Variants in WDR49 observed in about 807,000 individuals in gnomAD.
The protein encoded by WDR49 is WD repeat domain 49.
In WDR49, 107 loss-of-function variants were observed where a neutral mutation model predicts 119.5. That is an observed-to-expected ratio of 0.90 (90% CI 0.77 to 1.05). The LOEUF (loss-of-function observed/expected upper bound fraction) is 1.05. Ranked by LOEUF, WDR49 falls within the 50% of genes least tolerant of loss-of-function variation. The pLI, the probability that WDR49 is intolerant of heterozygous loss-of-function variation, is 0.00. For missense variants in WDR49, 1,240 were observed against 1,220.5 expected, an observed-to-expected ratio of 1.02 and a Z score of -0.24; for synonymous variants, 425 against 418.8, an observed-to-expected ratio of 1.01 and a Z score of -0.18.
Position 167,626,954 on chromosome 3 carries a change from T to A in WDR49, c.504A>T (p.Gly168=). 7.5e-7 allele frequency: 1 copy of A among 1,327,676 alleles called. No homozygotes were observed. Among genetic ancestry groups the A allele is most frequent in the Non-Finnish European group, 9.6e-7 (1 of 1,040,184 alleles). The allele number at this position is 1,327,676 out of a possible 1,614,324, so 82.2% of individuals were successfully genotyped here. The change falls in exon 3 of 19, where the codon GGA becomes GGT. Residue 168 remains glycine (G), a synonymous_variant. Transcript: ENST00000682715. The part of the protein sequence containing the change: ...ISKEGLLAIW[G]EHLKLQETFP... ...ATGTTTCTTGCAGCTTTAAATGCTC[T>A]CCCCAGATTGCCAATAAACCTTCTT...
chr3:167,524,049 C>A (rs1174518458), intron 15 of WDR49, among the ~76,000 whole-genome samples: 1 of 152,182 alleles, frequency 6.6e-6, no homozygotes, highest in African/African-American at 2.4e-5. Context: ...CACATCCTCA[C>A]CAGCATCTGT....
chr3:167,638,342 T>C (rs1267014798), intron 2 of WDR49, among the ~76,000 whole-genome samples: 1 of 151,570 alleles, frequency 6.6e-6, no homozygotes, highest in African/African-American at 2.4e-5. Flanking sequence ...AAATTGATAT[T>C]TCTTTTGTCA....
chr3:167,487,305 CTGAGA>C (rs1750963383), intron 18 of WDR49, among the ~76,000 whole-genome samples: 2 of 152,250 alleles, frequency 1.3e-5, no homozygotes, highest in Admixed American at 1.3e-4. Context: ...ATAAATGGTG[CTGAGA>C]TAACTGGCTA....
At chr3:167,481,059 T>A (rs1344198261) in intron 18 of WDR49, among the ~76,000 whole-genome samples, 2 of 117,078 alleles carry the variant, frequency 1.7e-5, no homozygotes, top group African/African-American at 8.1e-5. Context: ...TTACCACATA[T>A]TTCAAGCAAA....
At chr3:167,521,007 T>C (rs918770967) in intron 16 of WDR49, among the ~76,000 whole-genome samples, 4 of 151,996 alleles carry the variant, frequency 2.6e-5, no homozygotes, top group African/African-American at 9.7e-5. Context: ...AGGGTAACAA[T>C]GAGAGGGACA....
chr3:167,552,773 A>G (rs1371045566), intron 10 of WDR49, among the ~76,000 whole-genome samples: 1 of 152,098 alleles, frequency 6.6e-6, no homozygotes, highest in Non-Finnish European at 1.5e-5. Flanking sequence ...GGCTAATGCT[A>G]CACAGCACTG....
chr3:167,646,098 T>C (rs1718115463), intron 2 of WDR49, among the ~76,000 whole-genome samples: 1 of 152,082 alleles, frequency 6.6e-6, no homozygotes, highest in Non-Finnish European at 1.5e-5. Context: ...TAAAATATGA[T>C]CAGCATGACT....
chr3:167,576,293 A>G, intron 7 of WDR49, 142 bp from the exon 8 acceptor site: 3 of 658,242 alleles, frequency 4.6e-6, no homozygotes, highest in Non-Finnish European at 7.8e-6. Flanking sequence ...ATTCTGCCAT[A>G]GCACCTATTA....
At chr3:167,653,553 T>C in intron 1 of WDR49, 54 bp from the exon 2 acceptor site, 1 of 1,160,178 alleles carries the variant, frequency 8.6e-7, no homozygotes, top group South Asian at 2.0e-5. Context: ...AGTACAAACC[T>C]TTCAAGGCAT....
chr3:167,530,454 C>A (rs1752806281), intron 13 of WDR49, among the ~76,000 whole-genome samples: 1 of 151,440 alleles, frequency 6.6e-6, no homozygotes, highest in Non-Finnish European at 1.5e-5. Context: ...CCACTGACAA[C>A]AAGGAAAAAA....
At chr3:167,650,370 C>T (rs988955099) in intron 2 of WDR49, among the ~76,000 whole-genome samples, 3 of 152,142 alleles carry the variant, frequency 2.0e-5, no homozygotes, top group African/African-American at 7.2e-5. Flanking sequence ...AACCATTTTA[C>T]GATTCTATGA....
At chr3:167,479,087 C>T (rs1750594341) in intron 18 of WDR49, 91 bp from the exon 19 acceptor site, 1 of 1,038,088 alleles carries the variant, frequency 9.6e-7, no homozygotes, top group East Asian at 2.8e-5. Context: ...TCAAATTTTG[C>T]TTTTTCTAAA....
At chr3:167,597,989 G>A (rs865929219) in intron 7 of WDR49, among the ~76,000 whole-genome samples, 1 of 152,098 alleles carries the variant, frequency 6.6e-6, no homozygotes, top group African/African-American at 2.4e-5. Flanking sequence ...GGACCATGAT[G>A]GGGGCATGAT....
intron 18 of WDR49, among the ~76,000 whole-genome samples, chr3:167,486,658 C>T (rs950683276): frequency 6.6e-6 from 1 of 151,882 alleles, no homozygotes; most frequent in African/African-American, 2.4e-5. Flanking sequence ...AGGGCATATG[C>T]ATATAATCCA....
At chr3:167,549,869 T>C (rs1289157819) in intron 10 of WDR49, among the ~76,000 whole-genome samples, 1 of 152,184 alleles carries the variant, frequency 6.6e-6, no homozygotes, top group African/African-American at 2.4e-5. Context: ...TTAATTTTTG[T>C]ATAAGGTGTA....
intron 6 of WDR49, among the ~76,000 whole-genome samples, chr3:167,603,427 T>A (rs1344610908): frequency 3.9e-5 from 6 of 152,202 alleles, no homozygotes; most frequent in Non-Finnish European, 7.3e-5. Flanking sequence ...GAAGATTTGA[T>A]GTTGGCATAT....
intron 10 of WDR49, among the ~76,000 whole-genome samples, chr3:167,548,828 G>T (rs894364406): frequency 2.6e-5 from 4 of 152,014 alleles, no homozygotes; most frequent in African/African-American, 9.7e-5. Flanking sequence ...ATCTCCTAAT[G>T]CTATCCCTCC....
Position 167,484,342 on chromosome 3 carries a change from T to C in WDR49, c.3032-5346A>G, listed in dbSNP as rs551843521. Among the ~76,000 whole-genome samples the C allele has an allele frequency of 2.6e-5, 4 of 152,198 alleles. No homozygotes were observed. In the South Asian group the frequency reaches 6.2e-4, roughly 24 times the overall value. ...GGATAGCATTAAGAGATATACCTAA[T>C]GTAAATGATGAGTTAATGGGTGCAG... On this transcript the variant is annotated intron_variant, in intron 18 of 18. Coordinates refer to ENST00000682715, the MANE Select transcript of WDR49 (RefSeq NM_001366157.1).
intron 18 of WDR49, among the ~76,000 whole-genome samples, chr3:167,497,120 G>A (rs1751383430): frequency 6.6e-6 from 1 of 152,078 alleles, no homozygotes; most frequent in African/African-American, 2.4e-5. Flanking sequence ...CTATGCTCCA[G>A]CCAGAATGAA....
Sources: gnomAD v4.1 joint callset for allele counts (sites outside exome capture counted in the v4.1 genomes callset) on GRCh38, gnomAD v4.1.1 for gene constraint, MANE v1.5 for transcripts, NCBI Gene and HGNC (gene_info 2026-07-23, HGNC 2026-07-21) for gene names.